Variants in TAS2R1 observed in about 807,000 individuals in gnomAD.
TAS2R1 encodes taste 2 receptor member 1, also known as taste receptor type 2 member 1.
For missense variants in TAS2R1, 370 were observed against 353.4 expected, an observed-to-expected ratio of 1.05 and a Z score of -0.38; for synonymous variants, 141 against 134.2, an observed-to-expected ratio of 1.05 and a Z score of -0.35.
At chr5:9,820,084 G>A in the TAS2R1 span, among the ~76,000 whole-genome samples, 1 of 151,942 alleles carries the variant, frequency 6.6e-6, no homozygotes, top group Non-Finnish European at 1.5e-5. Flanking sequence ...TATATCCCAA[G>A]CAGAAGTCTG....
the TAS2R1 span, among the ~76,000 whole-genome samples, chr5:9,853,528 G>T: frequency 6.6e-6 from 1 of 152,208 alleles, no homozygotes; most frequent in Non-Finnish European, 1.5e-5. Flanking sequence ...ATGGTAAACT[G>T]TCATGGTGCT....
At chr5:9,803,059 A>G in the TAS2R1 span, among the ~76,000 whole-genome samples, 1 of 152,220 alleles carries the variant, frequency 6.6e-6, no homozygotes. Context: ...AACAATCACA[A>G]CTTCTGGAAA....
At chr5:9,789,565 G>GA in the TAS2R1 span, among the ~76,000 whole-genome samples, 3 of 152,170 alleles carry the variant, frequency 2.0e-5, no homozygotes, top group Non-Finnish European at 2.9e-5. Flanking sequence ...AAATGACTGA[G>GA]AAAAAATGTG....
chr5:9,747,541 TGCA>T, the TAS2R1 span, among the ~76,000 whole-genome samples: 1 of 152,088 alleles, frequency 6.6e-6, no homozygotes, highest in Non-Finnish European at 1.5e-5. Flanking sequence ...AACCAGCTTT[TGCA>T]GGAACTAATA....
the TAS2R1 span, among the ~76,000 whole-genome samples, chr5:9,785,707 C>A: frequency 6.6e-6 from 1 of 152,166 alleles, no homozygotes; most frequent in Non-Finnish European, 1.5e-5. Context: ...ATTTATCTTA[C>A]CAGCCCAAGG....
the TAS2R1 span, among the ~76,000 whole-genome samples, chr5:9,790,841 C>T: frequency 1.2e-3 from 186 of 152,178 alleles, no homozygotes; most frequent in African/African-American, 4.4e-3. Context: ...GGTTTTGCCA[C>T]ATTGGCCAGG....
chr5:9,725,507 C>G, the TAS2R1 span, among the ~76,000 whole-genome samples: 1 of 152,190 alleles, frequency 6.6e-6, no homozygotes, highest in Non-Finnish European at 1.5e-5. Flanking sequence ...CAGTGCCGGC[C>G]TACCGGCGCT....
At chr5:9,676,833 T>C (rs769029429) in intron 1 of TAS2R1, among the ~76,000 whole-genome samples, 29 of 152,218 alleles carry the variant, frequency 1.9e-4, no homozygotes, top group African/African-American at 5.5e-4. Flanking sequence ...TCAGCCATTA[T>C]GGAAGACAGT....
At chr5:9,878,913 A>G in the TAS2R1 span, among the ~76,000 whole-genome samples, 2 of 152,208 alleles carry the variant, frequency 1.3e-5, no homozygotes, top group Non-Finnish European at 2.9e-5. Flanking sequence ...TTTGGAGTGC[A>G]GACATAAAGA....
intron 2 of TAS2R1, among the ~76,000 whole-genome samples, chr5:9,644,145 G>A (rs1436295494): frequency 6.6e-6 from 1 of 152,174 alleles, no homozygotes; most frequent in African/African-American, 2.4e-5. Flanking sequence ...GTTTGGGTGA[G>A]GGGGAAGCTT....
rs141349145 is a variant in TAS2R1, at chr5:9,664,248, G to A, written c.-241-4667C>T. The stretch of plus-strand genomic sequence containing the variant: ...AACACTATCTAGAATTCATTTCACC[G>A]TCTAGCCTCCTTTGAGTTCTGCAGA... On this transcript the variant is annotated intron_variant, in intron 1 of 2. Coordinates refer to the TAS2R1 transcript ENST00000506620. Among the ~76,000 whole-genome samples the A allele has an allele frequency of 1.3e-3, 200 of 152,224 alleles. 2 individuals carry two copies. The highest frequency in any genetic ancestry group is 4.3e-3 in the African/African-American group (178 of 41,534).
chr5:9,699,815 C>A (rs1741439545), intron 1 of TAS2R1, among the ~76,000 whole-genome samples: 1 of 152,140 alleles, frequency 6.6e-6, no homozygotes, highest in Admixed American at 6.5e-5. Flanking sequence ...TCTACAAAGA[C>A]ATTATTAGCT....
At chr5:9,745,848 T>C in the TAS2R1 span, among the ~76,000 whole-genome samples, 1 of 152,114 alleles carries the variant, frequency 6.6e-6, no homozygotes, top group Non-Finnish European at 1.5e-5. Context: ...ATTCAGGACA[T>C]AGGCATGGGC....
chr5:9,825,948 C>T, the TAS2R1 span, among the ~76,000 whole-genome samples: 2 of 152,112 alleles, frequency 1.3e-5, no homozygotes, highest in Non-Finnish European at 2.9e-5. Flanking sequence ...TGATTCCTTA[C>T]AGGGGTAAAT....
chr5:9,793,547 A>C, the TAS2R1 span, among the ~76,000 whole-genome samples: 2 of 152,146 alleles, frequency 1.3e-5, no homozygotes, highest in African/African-American at 4.8e-5. Flanking sequence ...AGACACAATA[A>C]AATCAGCTCA....
the TAS2R1 span, among the ~76,000 whole-genome samples, chr5:9,766,340 G>A: frequency 4.6e-5 from 7 of 152,236 alleles, no homozygotes; most frequent in East Asian, 1.4e-3. Flanking sequence ...AGGAAAGAGG[G>A]GTCTAAAATA....
Position 9,628,956 on chromosome 5 carries a change from C to T in TAS2R1, c.*177G>A. 1.8e-6 allele frequency: 1 copy of T among 552,064 alleles called. No individual in the cohort carries two copies. The highest frequency in any genetic ancestry group is 3.0e-6 in the Non-Finnish European group (1 of 337,814). The allele number at this position is 552,064 out of a possible 1,614,324, so 34.2% of individuals were successfully genotyped here. Reference sequence around the variant, plus strand: ...TCAACATATGTTGTGCTTTCAAAATCAGTTTAACTGCTTGAAAAAGTAGCA... The same window carrying T: ...TCAACATATGTTGTGCTTTCAAAATTAGTTTAACTGCTTGAAAAAGTAGCA... On this transcript the variant is annotated 3_prime_UTR_variant, in exon 1 of 1. Transcript: ENST00000382492.
chr5:9,694,498 A>T (rs1487203148), intron 1 of TAS2R1, among the ~76,000 whole-genome samples: 1 of 152,218 alleles, frequency 6.6e-6, no homozygotes, highest in African/African-American at 2.4e-5. Flanking sequence ...TTTGGGCTTC[A>T]ATCATTTTAA....
the TAS2R1 span, among the ~76,000 whole-genome samples, chr5:9,886,095 G>A: frequency 2.7e-5 from 4 of 149,924 alleles, no homozygotes; most frequent in Admixed American, 6.7e-5. Context: ...GCAGTGGCAC[G>A]ATCTTGGCTC....
Sources: allele counts gnomAD v4.1 joint callset (sites outside exome capture counted in the v4.1 genomes callset), GRCh38; gene constraint gnomAD v4.1.1; transcripts MANE v1.5; gene names NCBI Gene and HGNC (gene_info 2026-07-23, HGNC 2026-07-21).